TBC1D23: variants seen among roughly 807,000 people sequenced by gnomAD.
TBC1D23 encodes the protein TBC1 domain family member 23.
A neutral mutation model predicts 91.4 loss-of-function variants in TBC1D23; 55 were observed. The observed-to-expected ratio is 0.60, with a 90% CI of 0.48 to 0.75. TBC1D23 has a LOEUF of 0.75. TBC1D23 is among the 30% of genes least tolerant of loss of function. TBC1D23 has a pLI of 0.00. For synonymous variants in TBC1D23, 289 were observed against 281.0 expected, an observed-to-expected ratio of 1.03 and a Z score of -0.28; for missense variants, 725 against 836.1, an observed-to-expected ratio of 0.87 and a Z score of 1.64.
intron 15 of TBC1D23, among the ~76,000 whole-genome samples, chr3:100,315,417 C>T (rs933411263): frequency 6.6e-6 from 1 of 152,114 alleles, no homozygotes; most frequent in African/African-American, 2.4e-5. Context: ...CTACCTCGGC[C>T]TCCCAAAGTG....
chr3:100,308,627 G>A (rs994473663), intron 13 of TBC1D23, among the ~76,000 whole-genome samples: 2 of 152,148 alleles, frequency 1.3e-5, no homozygotes, highest in African/African-American at 4.8e-5. Flanking sequence ...ACCCTTTTTA[G>A]TGAATGTGTT....
chr3:100,315,047 G>T (rs1002163855), intron 15 of TBC1D23, among the ~76,000 whole-genome samples: 2 of 151,338 alleles, frequency 1.3e-5, no homozygotes, highest in Admixed American at 6.6e-5. Flanking sequence ...AAAATTAATA[G>T]GATATTAATT....
At chr3:100,296,944 T>C (rs942423559) in intron 8 of TBC1D23, among the ~76,000 whole-genome samples, 1 of 152,008 alleles carries the variant, frequency 6.6e-6, no homozygotes, top group Non-Finnish European at 1.5e-5. Flanking sequence ...GAGTTCAGGC[T>C]TGTATAGTCT....
At chr3:100,302,834 C>A (rs1403273378) in intron 11 of TBC1D23, among the ~76,000 whole-genome samples, 2 of 152,178 alleles carry the variant, frequency 1.3e-5, no homozygotes, top group African/African-American at 4.8e-5. Context: ...GTGATCCGCC[C>A]TCCTCGGCCT....
chr3:100,318,842 G>A (rs1276796852), intron 16 of TBC1D23, among the ~76,000 whole-genome samples: 2 of 151,780 alleles, frequency 1.3e-5, no homozygotes, highest in East Asian at 1.9e-4. Flanking sequence ...TAGTAGAGAT[G>A]GGGTTTCACC....
At position 100,308,529 on chromosome 3, in the gene TBC1D23, A is replaced by G. The variant is rs182748997; in HGVS notation, c.1414-1874A>G. On this transcript the variant is annotated intron_variant, in intron 13 of 18. Transcript: ENST00000394144. Reference sequence around the variant, plus strand: ...AGATGTTCATTTTAGCATCATATGTAAATAAGAAAAGTATAAAGAAAATAA... The same window carrying G: ...AGATGTTCATTTTAGCATCATATGTGAATAAGAAAAGTATAAAGAAAATAA... Among the ~76,000 whole-genome samples the G allele has an allele frequency of 6.6e-3, 1,001 of 152,316 alleles. 11 individuals are homozygous for G. Among genetic ancestry groups the G allele is most frequent in the African/African-American group, 0.023 (957 of 41,574 alleles).
intron 13 of TBC1D23, among the ~76,000 whole-genome samples, chr3:100,306,792 A>G (rs1420266315): frequency 6.6e-6 from 1 of 152,218 alleles, no homozygotes; most frequent in Non-Finnish European, 1.5e-5. Context: ...TGCTGAATTC[A>G]AATTTCTCCC....
intron 5 of TBC1D23, among the ~76,000 whole-genome samples, chr3:100,293,564 G>A (rs183561788): frequency 6.6e-6 from 1 of 152,324 alleles, no homozygotes; most frequent in East Asian, 1.9e-4. Context: ...GTTGAGCTAA[G>A]TGAGCTTAAA....
chr3:100,320,941 C>CT lies in TBC1D23; in HGVS notation c.1990dup (p.Ser664PhefsTer21), dbSNP rs769751610. On this transcript the variant is annotated frameshift_variant, in exon 18 of 19. Coordinates refer to ENST00000394144, the MANE Select transcript of TBC1D23 (RefSeq NM_001199198.3). LOFTEE classifies it high-confidence loss of function. ...ACCTTCAAGTATGGAAATAGCAGTG[C>CT]TTCAGGAATAGAAATCTTGGCAATC... 1.3e-6 allele frequency: 2 copies of CT among 1,599,576 alleles called. No homozygotes were observed. Among genetic ancestry groups the CT allele is most frequent in the Non-Finnish European group, 1.7e-6 (2 of 1,175,700 alleles).
At chr3:100,277,375 G>A (rs1405371342) in intron 1 of TBC1D23, among the ~76,000 whole-genome samples, 5 of 152,096 alleles carry the variant, frequency 3.3e-5, no homozygotes, top group African/African-American at 1.2e-4. Flanking sequence ...GCTACTTAAG[G>A]TGTAGCATTT....
At chr3:100,296,701 AT>A (rs1351445265) in intron 8 of TBC1D23, among the ~76,000 whole-genome samples, 1 of 151,944 alleles carries the variant, frequency 6.6e-6, no homozygotes, top group Non-Finnish European at 1.5e-5. Context: ...TTACTAAGAA[AT>A]ACAAAAAATT....
intron 14 of TBC1D23, 29 bp from the exon 15 acceptor site, chr3:100,311,799 ATTTTG>A (rs1185796760): frequency 6.7e-7 from 1 of 1,493,600 alleles, no homozygotes; most frequent in Admixed American, 2.0e-5. Context: ...TTTTATAATC[ATTTTG>A]TTCTGTCCTC....
Position 100,316,131 on chromosome 3 carries a change from C to T in TBC1D23, c.1631C>T (p.Pro544Leu). Residue 544 changes from proline to leucine, a missense_variant, in exon 16 of 19, where the codon CCT becomes CTT. Coordinates refer to ENST00000394144, the MANE Select transcript of TBC1D23 (RefSeq NM_001199198.3). Reference sequence around the variant, plus strand: ...AGCAGCAGTGACAGAGTGGGCAAGCCTTACCGTGGCGTAAAGCCTGTTTTC... The same window carrying T: ...AGCAGCAGTGACAGAGTGGGCAAGCTTTACCGTGGCGTAAAGCCTGTTTTC... ...HVSSSDRVGK[P>L]YRGVKPVFSI... The T allele has an allele frequency of 6.2e-7, 1 of 1,614,062 alleles. No homozygotes were observed. Among genetic ancestry groups the T allele is most frequent in the East Asian group, 2.2e-5 (1 of 44,874 alleles).
intron 14 of TBC1D23, among the ~76,000 whole-genome samples, chr3:100,311,003 A>G (rs891015046): frequency 6.6e-6 from 1 of 152,216 alleles, no homozygotes; most frequent in Non-Finnish European, 1.5e-5. Flanking sequence ...TCGTTTACAA[A>G]ACCCCATTTC....
At chr3:100,319,272 C>T in intron 17 of TBC1D23, 68 bp downstream of exon 17, 1 of 1,278,920 alleles carries the variant, frequency 7.8e-7, no homozygotes, top group Non-Finnish European at 1.1e-6. Flanking sequence ...CAAAACTGAA[C>T]TACAGAAGAA....
intron 1 of TBC1D23, among the ~76,000 whole-genome samples, chr3:100,266,245 T>C (rs558292097): frequency 6.6e-6 from 1 of 152,176 alleles, no homozygotes; most frequent in Non-Finnish European, 1.5e-5. Context: ...TCTTTAATTA[T>C]AATTTAGATT....
At chr3:100,272,774 T>C (rs1322552152) in intron 1 of TBC1D23, among the ~76,000 whole-genome samples, 1 of 152,238 alleles carries the variant, frequency 6.6e-6, no homozygotes, top group Admixed American at 6.5e-5. Context: ...CTCTGCATCA[T>C]AGACAAGGTA....
intron 4 of TBC1D23, among the ~76,000 whole-genome samples, chr3:100,286,438 A>G (rs1293840024): frequency 6.6e-6 from 1 of 152,100 alleles, no homozygotes; most frequent in African/African-American, 2.4e-5. Flanking sequence ...GCCAGCATTA[A>G]TAGCCCTGGA....
At chr3:100,262,840 T>G (rs1354456211) in intron 1 of TBC1D23, among the ~76,000 whole-genome samples, 1 of 152,176 alleles carries the variant, frequency 6.6e-6, no homozygotes, top group Non-Finnish European at 1.5e-5. Context: ...TTGTACATCT[T>G]TTTTGTGCCA....
Sources: allele counts gnomAD v4.1 joint callset (sites outside exome capture counted in the v4.1 genomes callset), GRCh38; gene constraint gnomAD v4.1.1; transcripts MANE v1.5; gene names NCBI Gene and HGNC (gene_info 2026-07-23, HGNC 2026-07-21).